Variants in DPYS observed in about 807,000 individuals in gnomAD.
DPYS encodes dihydropyrimidinase, also known as dihydropyrimidine amidohydrolase.
In DPYS, 39 loss-of-function variants were observed where a neutral mutation model predicts 50.3. The ratio of observed to expected loss-of-function variants is 0.78; its 90% confidence interval spans 0.60 to 1.01. DPYS has a LOEUF of 1.01. DPYS is among the 50% of genes least tolerant of loss of function. The pLI is 0.00. For synonymous variants in DPYS, 245 were observed against 250.7 expected, an observed-to-expected ratio of 0.98 and a Z score of 0.22; for missense variants, 659 against 680.9, an observed-to-expected ratio of 0.97 and a Z score of 0.36.
chr8:104,406,662 T>G (rs1812006628), intron 7 of DPYS, among the ~76,000 whole-genome samples: 1 of 152,176 alleles, frequency 6.6e-6, no homozygotes, highest in African/African-American at 2.4e-5. Flanking sequence ...CATCTTCCCT[T>G]CCTGACCACT....
chr8:104,392,427 T>G (rs1811419528), intron 8 of DPYS, among the ~76,000 whole-genome samples: 2 of 152,204 alleles, frequency 1.3e-5, no homozygotes, highest in African/African-American at 4.8e-5. Context: ...TCCAGCCACC[T>G]CCTAGTTTCT....
At chr8:104,445,879 A>G (rs1342444704) in intron 3 of DPYS, among the ~76,000 whole-genome samples, 1 of 151,990 alleles carries the variant, frequency 6.6e-6, no homozygotes, top group East Asian at 1.9e-4. Context: ...CCCTGTCTCT[A>G]CTAAAAATAC....
At chr8:104,418,683 G>A (rs1401170288) in intron 7 of DPYS, 1 of 152,224 alleles carries the variant, frequency 6.6e-6, no homozygotes, top group Admixed American at 6.5e-5. Flanking sequence ...TCCATGTTTA[G>A]TCTTGACTCA....
intron 8 of DPYS, among the ~76,000 whole-genome samples, chr8:104,386,872 C>T (rs1399742323): frequency 6.6e-6 from 1 of 152,084 alleles, no homozygotes; most frequent in Non-Finnish European, 1.5e-5. Flanking sequence ...AGGTGATCCA[C>T]CCGCTTCAGC....
intron 8 of DPYS, among the ~76,000 whole-genome samples, chr8:104,391,755 A>G (rs898695861): frequency 1.3e-5 from 2 of 152,122 alleles, no homozygotes; most frequent in African/African-American, 2.4e-5. Context: ...GTGCACTGGT[A>G]TGGCTGGCTA....
intron 8 of DPYS, among the ~76,000 whole-genome samples, chr8:104,385,649 T>C (rs1811189046): frequency 6.6e-6 from 1 of 152,242 alleles, no homozygotes; most frequent in Middle Eastern, 3.2e-3. Flanking sequence ...TTAATTGCCA[T>C]TGTAACAGTA....
chr8:104,437,919 G>A (rs1441496608), intron 4 of DPYS, among the ~76,000 whole-genome samples: 1 of 152,076 alleles, frequency 6.6e-6, no homozygotes, highest in Non-Finnish European at 1.5e-5. Context: ...AATTGTATAG[G>A]GTTTTCCTGT....
At chr8:104,387,759 G>T (rs571356801) in intron 8 of DPYS, among the ~76,000 whole-genome samples, 5 of 152,160 alleles carry the variant, frequency 3.3e-5, no homozygotes, top group Non-Finnish European at 4.4e-5. Flanking sequence ...TTTACTGAAC[G>T]GATGTTGATT....
intron 6 of DPYS, among the ~76,000 whole-genome samples, chr8:104,425,983 C>G (rs1037233634): frequency 2.0e-4 from 31 of 151,972 alleles, no homozygotes; most frequent in African/African-American, 6.8e-4. Context: ...CATTTATATA[C>G]CAGGGAACTA....
intron 1 of DPYS, among the ~76,000 whole-genome samples, chr8:104,452,244 G>C (rs146497056): frequency 6.6e-6 from 1 of 152,146 alleles, no homozygotes; most frequent in African/African-American, 2.4e-5. Flanking sequence ...ACATGCCTTT[G>C]ACTAATTATT....
intron 2 of DPYS, among the ~76,000 whole-genome samples, chr8:104,448,775 C>T (rs533546777): frequency 1.0e-3 from 154 of 152,194 alleles, no homozygotes; most frequent in African/African-American, 3.4e-3. Context: ...AATAAAGCAG[C>T]GTAATTCTAT....
chr8:104,463,739 CAT>C lies in DPYS; in HGVS notation c.264+2916_264+2917del, dbSNP rs138280700. 8.5e-4 allele frequency among the ~76,000 whole-genome samples: 129 copies of C among 152,344 alleles called. 2 individuals are homozygous for C. The East Asian group carries it at 0.022, about 26-fold the overall frequency. On this transcript the variant is annotated intron_variant, in intron 1 of 9. Transcript: ENST00000351513. ...ATAGGAAGATGTTTTTCAAGTTTAA[CAT>C]ATCATACAACCAGTATTTACAAAAG...
chr8:104,452,979 A>T (rs2140742212), intron 1 of DPYS, among the ~76,000 whole-genome samples: 1 of 152,278 alleles, frequency 6.6e-6, no homozygotes, highest in Admixed American at 6.5e-5. Flanking sequence ...ATCACCAGAA[A>T]TGTGGTCATG....
chr8:104,388,860 T>C (rs151225008), intron 8 of DPYS, among the ~76,000 whole-genome samples: 7 of 152,346 alleles, frequency 4.6e-5, no homozygotes, highest in African/African-American at 1.7e-4. Flanking sequence ...CAAATTTTAT[T>C]ATTATGCAAT....
chr8:104,459,399 C>A (rs1425697867), intron 1 of DPYS, among the ~76,000 whole-genome samples: 2 of 152,218 alleles, frequency 1.3e-5, no homozygotes, highest in Admixed American at 6.5e-5. Context: ...TACCTCTAGT[C>A]TGTTTACCGC....
chr8:104,412,473 A>G (rs1470754611), intron 7 of DPYS, among the ~76,000 whole-genome samples: 1 of 152,144 alleles, frequency 6.6e-6, no homozygotes, highest in African/African-American at 2.4e-5. Context: ...TATTTCAAGC[A>G]TTGTGTGTGC....
chr8:104,431,837 C>T (rs993745892), intron 4 of DPYS, among the ~76,000 whole-genome samples: 5 of 152,166 alleles, frequency 3.3e-5, no homozygotes, highest in African/African-American at 1.2e-4. Context: ...GCCAGAATTA[C>T]AGTCATAGTA....
At chr8:104,442,201 T>G (rs757107214) in intron 4 of DPYS, among the ~76,000 whole-genome samples, 14 of 152,214 alleles carry the variant, frequency 9.2e-5, no homozygotes, top group Non-Finnish European at 1.6e-4. Context: ...TTTAAAATAA[T>G]TTACAATAAA....
chr8:104,391,140 G>C (rs975082057), intron 8 of DPYS, among the ~76,000 whole-genome samples: 3 of 152,162 alleles, frequency 2.0e-5, no homozygotes, highest in African/African-American at 7.2e-5. Flanking sequence ...CCTAATCAAA[G>C]CCTTAGGAAG....
Sources: allele counts gnomAD v4.1 joint callset (sites outside exome capture counted in the v4.1 genomes callset), GRCh38; gene constraint gnomAD v4.1.1; transcripts MANE v1.5; gene names NCBI Gene and HGNC (gene_info 2026-07-23, HGNC 2026-07-21).